NAV1: variants seen among roughly 807,000 people sequenced by gnomAD.
NAV1 encodes pore membrane and/or filament interacting like protein 3.
A neutral mutation model predicts 175.2 loss-of-function variants in NAV1; 18 were observed. That is an observed-to-expected ratio of 0.10 (90% CI 0.07 to 0.15). The LOEUF is 0.15. Ranked by LOEUF, NAV1 falls within the 10% of genes least tolerant of loss-of-function variation. The pLI is 1.00. For missense variants in NAV1, 1,731 were observed against 2,436.6 expected (o/e 0.71, Z 6.10); for synonymous variants, 897 against 978.7 (o/e 0.92, Z 1.56).
intron 2 of NAV1, among the ~76,000 whole-genome samples, chr1:201,612,765 G>A (rs1558018904): frequency 1.3e-5 from 2 of 152,180 alleles, no homozygotes; most frequent in African/African-American, 4.8e-5. Flanking sequence ...GAGGACACAA[G>A]CACTCGGAGC....
At chr1:201,704,237 C>T (rs913990591) in intron 1 of NAV1, among the ~76,000 whole-genome samples, 3 of 152,190 alleles carry the variant, frequency 2.0e-5, no homozygotes, top group Admixed American at 6.5e-5. Context: ...AGTGCAGAGT[C>T]CTGGGAGGAA....
At chr1:201,637,283 C>T (rs952661299) in intron 2 of NAV1, among the ~76,000 whole-genome samples, 4 of 152,180 alleles carry the variant, frequency 2.6e-5, no homozygotes, top group South Asian at 2.1e-4. Flanking sequence ...TCATTACTTT[C>T]GCAGTTGTCT....
chr1:201,723,698 T>A (rs1244510336), intron 3 of NAV1: 3 of 152,248 alleles, frequency 2.0e-5, no homozygotes, highest in Non-Finnish European at 4.4e-5. Flanking sequence ...AGTACAATAA[T>A]CTTATCTACA....
intron 2 of NAV1, among the ~76,000 whole-genome samples, chr1:201,642,871 G>A (rs144223576): frequency 0.029 from 4,425 of 150,998 alleles, 198 homozygotes; most frequent in African/African-American, 0.1. Flanking sequence ...CCGGATTCAC[G>A]CCATTCTCCT....
chr1:201,593,790 C>T (rs1667276385), intron 2 of NAV1, among the ~76,000 whole-genome samples: 1 of 152,202 alleles, frequency 6.6e-6, no homozygotes, highest in African/African-American at 2.4e-5. Context: ...CAGGCTTCTT[C>T]CCAACTCTGA....
At chr1:201,789,772 G>C (rs769196104) in exon 11 of NAV1, 1 of 1,614,070 alleles carries the variant, frequency 6.2e-7, no homozygotes, top group Admixed American at 1.7e-5. Context: ...GGCCTCCAGT[G>C]CCTCCTCCAC....
chr1:201,826,677 C>G (rs1188689587), exon 30 of NAV1: 2 of 152,318 alleles, frequency 1.3e-5, no homozygotes, highest in Admixed American at 1.3e-4. Flanking sequence ...TCAACCTACC[C>G]CCTTTTATAT....
intron 17 of NAV1, 63 bp downstream of exon 21, chr1:201,804,560 CAGAG>C: frequency 1.6e-6 from 2 of 1,226,784 alleles, no homozygotes; most frequent in Non-Finnish European, 2.2e-6. Flanking sequence ...TCCCTATTTC[CAGAG>C]CAACTCCCTT....
At chr1:201,724,440 T>TG (rs2102499933) in intron 3 of NAV1, 1 of 152,336 alleles carries the variant, frequency 6.6e-6, no homozygotes, top group African/African-American at 2.4e-5. Context: ...CCTACTTTAA[T>TG]GTGGGTTTCC....
intron 1 of NAV1, among the ~76,000 whole-genome samples, chr1:201,705,994 G>A (rs981475997): frequency 1.3e-5 from 2 of 152,148 alleles, no homozygotes; most frequent in African/African-American, 4.8e-5. Context: ...GGAGTTTATC[G>A]TTAGACCAAG....
At position 201,718,317 on chromosome 1, in the gene NAV1, G is replaced by A. The variant is rs755366707; in HGVS notation, c.861-73G>A. ...TGTGGGTGGAGGGGAGGCATTGCTG[G>A]GGTGCATGTGAGGGGACAGGGCACA... On this transcript the variant is annotated intron_variant, in intron 2 of 29. Transcript: ENST00000367296. This position sits in a 1 kb window ranked among gnomAD's most constrained non-coding sequence, Gnocchi z 4.8. The A allele has an allele frequency of 1.5e-4, 215 of 1,410,160 alleles. 2 individuals carry two copies. The highest frequency in any genetic ancestry group is 1.9e-4 in the Non-Finnish European group (204 of 1,077,840). 87.4% of individuals were successfully genotyped at this position (1,410,160 alleles called of 1,614,324 possible).
intron 2 of NAV1, among the ~76,000 whole-genome samples, chr1:201,609,936 T>C (rs1004291398): frequency 6.6e-6 from 1 of 152,164 alleles, no homozygotes; most frequent in Non-Finnish European, 1.5e-5. Context: ...ACCTAGATAT[T>C]TATACCCTTG....
At chr1:201,818,880 T>A (rs1388373164) in intron 29 of NAV1, among the ~76,000 whole-genome samples, 1 of 152,218 alleles carries the variant, frequency 6.6e-6, no homozygotes, top group Non-Finnish European at 1.5e-5. Flanking sequence ...ACAGATGCTA[T>A]CTGTATAAAA....
At chr1:201,764,569 T>A (rs74136668) in intron 3 of NAV1, among the ~76,000 whole-genome samples, 2 of 152,170 alleles carry the variant, frequency 1.3e-5, no homozygotes, top group African/African-American at 4.8e-5. Flanking sequence ...ATACAGTCAC[T>A]GGGAGTTACA....
intron 28 of NAV1, 48 bp from the exon 33 acceptor site, chr1:201,817,040 T>C: frequency 6.4e-7 from 1 of 1,571,400 alleles, no homozygotes. Context: ...TGAACAAGCC[T>C]CTAATCTGTT....
chr1:201,563,028 G>A (rs1048194173), intron 1 of NAV1, among the ~76,000 whole-genome samples: 1 of 152,226 alleles, frequency 6.6e-6, no homozygotes, highest in African/African-American at 2.4e-5. Context: ...CAGAGTGGGT[G>A]GTTATGAGTA....
intron 3 of NAV1, among the ~76,000 whole-genome samples, chr1:201,763,566 T>G (rs7535989): frequency 0.25 from 37,554 of 152,106 alleles, 5,732 homozygotes; most frequent in Non-Finnish European, 0.34. Flanking sequence ...TAGAGAAAAC[T>G]CAAACAAATT....
chr1:201,541,479 T>C (rs1665511066), intron 1 of NAV1, among the ~76,000 whole-genome samples: 1 of 152,228 alleles, frequency 6.6e-6, no homozygotes, highest in African/African-American at 2.4e-5. Context: ...TGATAAACCT[T>C]GGCCTGGGGA....
At chr1:201,580,999 G>A (rs1387253165) in intron 1 of NAV1, among the ~76,000 whole-genome samples, 3 of 152,162 alleles carry the variant, frequency 2.0e-5, no homozygotes, top group Admixed American at 1.3e-4. Flanking sequence ...CAACAGGAGG[G>A]GCAGAGTACT....
Sources: gnomAD v4.1 joint callset for allele counts (sites outside exome capture counted in the v4.1 genomes callset) on GRCh38, gnomAD v4.1.1 for gene constraint, Gnocchi (gnomAD v3.1) non-coding constraint, MANE v1.5 for transcripts, NCBI Gene and HGNC (gene_info 2026-07-23, HGNC 2026-07-21) for gene names.